ATF7IP: variants seen among roughly 807,000 people sequenced by gnomAD.
ATF7IP encodes the protein activating transcription factor 7 interacting protein.
A neutral mutation model predicts 106.4 loss-of-function variants in ATF7IP; 23 were observed. The observed-to-expected ratio is 0.22, with a 90% CI of 0.16 to 0.31. The LOEUF (loss-of-function observed/expected upper bound fraction) is 0.31, where lower values mean the gene tolerates loss of function less well. Ranked by LOEUF, ATF7IP falls within the 10% of genes least tolerant of loss-of-function variation. ATF7IP has a pLI of 1.00. For missense variants in ATF7IP, 1,334 were observed against 1,524.3 expected, an observed-to-expected ratio of 0.88 and a Z score of 2.08; for synonymous variants, 542 against 539.0, an observed-to-expected ratio of 1.01 and a Z score of -0.08.
At chr12:14,382,460 C>G (rs1939038115) in intron 1 of ATF7IP, among the ~76,000 whole-genome samples, 1 of 152,136 alleles carries the variant, frequency 6.6e-6, no homozygotes, top group Non-Finnish European at 1.5e-5. Flanking sequence ...TAGATTTTCT[C>G]AGAGTCATCT....
At chr12:14,396,540 G>A (rs1939853348) in intron 1 of ATF7IP, among the ~76,000 whole-genome samples, 1 of 152,114 alleles carries the variant, frequency 6.6e-6, no homozygotes, top group South Asian at 2.1e-4. Flanking sequence ...AATGATGATA[G>A]TAGAAAGAAA....
At chr12:14,417,068 C>A in intron 1 of ATF7IP, 1 of 355,044 alleles carries the variant, frequency 2.8e-6, no homozygotes, top group Non-Finnish European at 3.9e-6. Flanking sequence ...ATTCTGATAA[C>A]AAATTTTCCA....
At chr12:14,488,764 G>A (rs754816504) in intron 13 of ATF7IP, among the ~76,000 whole-genome samples, 1 of 152,112 alleles carries the variant, frequency 6.6e-6, no homozygotes, top group Non-Finnish European at 1.5e-5. Flanking sequence ...ATTATCCTTT[G>A]TACAACCAGA....
At chr12:14,446,531 A>G (rs767159671) in intron 5 of ATF7IP, among the ~76,000 whole-genome samples, 23 of 152,256 alleles carry the variant, frequency 1.5e-4, no homozygotes, top group Non-Finnish European at 2.6e-4. Flanking sequence ...GCATTCATTT[A>G]CACTTCTGTT....
chr12:14,401,684 T>A (rs1360793399), intron 1 of ATF7IP, among the ~76,000 whole-genome samples: 1 of 151,676 alleles, frequency 6.6e-6, no homozygotes, highest in Non-Finnish European at 1.5e-5. Flanking sequence ...TTTTTCCCTG[T>A]TTTTAGCATT....
intron 2 of ATF7IP, among the ~76,000 whole-genome samples, chr12:14,429,587 A>C (rs1292495820): frequency 6.6e-6 from 1 of 152,226 alleles, no homozygotes; most frequent in Non-Finnish European, 1.5e-5. Context: ...TAAAATAAAC[A>C]TAAACTGATG....
At chr12:14,494,283 GAATATATATATATATATATATATATA>G (rs1160290808) in intron 13 of ATF7IP, among the ~76,000 whole-genome samples, 1 of 40,700 alleles carries the variant, frequency 2.5e-5, no homozygotes, top group Non-Finnish European at 4.7e-5. Context: ...AGAGCTAATA[GAATATATATATATATATATATATATA>G]TATATATATA....
At chr12:14,451,137 GT>G (rs916638527) in intron 6 of ATF7IP, among the ~76,000 whole-genome samples, 11 of 151,926 alleles carry the variant, frequency 7.2e-5, no homozygotes, top group Admixed American at 2.0e-4. Flanking sequence ...TGGGTTGTGT[GT>G]TTTTAGGAAT....
Position 14,500,087 on chromosome 12 carries a change from C to T in ATF7IP, c.*2014C>T, listed in dbSNP as rs2136890564. Reference sequence around the variant, plus strand: ...GGAATTTATGGAGTTTGTGAAATAACTTCGAAGTCCTCTTCCTTTACAATA... The same window carrying T: ...GGAATTTATGGAGTTTGTGAAATAATTTCGAAGTCCTCTTCCTTTACAATA... On this transcript the variant is annotated 3_prime_UTR_variant, in exon 15 of 15. Coordinates refer to ENST00000261168, the MANE Select transcript of ATF7IP (RefSeq NM_018179.5). 6.6e-6 allele frequency: 1 copy of T among 152,294 alleles called. No individual in the cohort carries two copies. The highest frequency in any genetic ancestry group is 2.1e-4 in the South Asian group (1 of 4,828). The allele number at this position is 152,294 out of a possible 1,614,324, so 9.4% of individuals were successfully genotyped here. A position where few individuals can be genotyped will look rare whatever the true frequency, so the allele number is the denominator to read the frequency against.
rs1352158941 is a variant in ATF7IP at position 14,425,302 on chromosome 12, A to T, written c.1387A>T (p.Thr463Ser). The T allele has an allele frequency of 6.2e-7, 1 of 1,608,266 alleles. No individual in the cohort carries two copies. The highest frequency in any genetic ancestry group is 1.1e-5 in the South Asian group (1 of 89,470). The change falls in exon 2 of 15, where the codon ACA (threonine) becomes TCA (serine). Residue 463 changes from threonine to serine, a missense_variant. By Grantham distance (58) the Thr-to-Ser change is moderately conservative (BLOSUM62 1). Around this residue, in one of 10 missense-constraint regions of ATF7IP, gnomAD observed 41 missense variants for 60.4 expected, o/e 0.68. Transcript: ENST00000261168. ...SKTSLLPIDE[T>S]NPDLEEKMES... Reference sequence around the variant, plus strand: ...AACATCTCTCCTTCCAATCGATGAGACAAATCCAGATTTGGAAGAGAAAAT... The same window carrying T: ...AACATCTCTCCTTCCAATCGATGAGTCAAATCCAGATTTGGAAGAGAAAAT...
intron 1 of ATF7IP, among the ~76,000 whole-genome samples, chr12:14,369,552 C>G (rs530791248): frequency 6.6e-6 from 1 of 152,000 alleles, no homozygotes; most frequent in Non-Finnish European, 1.5e-5. Flanking sequence ...TGGCCAGGCT[C>G]GTCTTGAACT....
rs767326103 is a variant in ATF7IP, at chr12:14,424,602, A to G, written c.687A>G (p.Ile229Met). Reference protein sequence around the residue: ...PISGDCAADDIASSEITSVDL... With the variant: ...PISGDCAADDMASSEITSVDL... ...CTGGTGATTGTGCCGCTGATGATAT[A>G]GCCTCTAGTGAAATAACTTCTGTTG... is the stretch of plus-strand genomic sequence containing the variant. The change falls in exon 2 of 15, where the codon ATA becomes ATG. Residue 229 changes from isoleucine to methionine, a missense_variant. Physicochemically the swap from Ile to Met is conservative, Grantham distance 10. Around this residue, in one of 10 missense-constraint regions of ATF7IP, gnomAD observed 438 missense variants for 405.3 expected, o/e 1.08. Coordinates refer to ENST00000261168, the MANE Select transcript of ATF7IP (RefSeq NM_018179.5). The G allele has an allele frequency of 1.4e-5, 22 of 1,613,984 alleles. No individual in the cohort carries two copies. Among genetic ancestry groups the G allele is most frequent in the Non-Finnish European group, 1.8e-5 (21 of 1,180,038 alleles).
At chr12:14,466,157 T>A (rs1422172624) in intron 9 of ATF7IP, 1 of 164,460 alleles carries the variant, frequency 6.1e-6, no homozygotes, top group African/African-American at 2.4e-5. Context: ...TTGGGAACAT[T>A]TTTGACATAC....
rs574728919 is a variant in ATF7IP, at chr12:14,425,451, G to A, written c.1536G>A (p.Ser512=). ...SGEKDESEVI[S]QNETCSPAEV... is the part of the protein sequence containing the mutation. ...AAAAAGATGAGTCTGAAGTTATATC[G>A]CAAAATGAAACGTGCTCTCCAGGTT... Residue 512 remains serine, a synonymous_variant, in exon 2 of 15, where the codon TCG becomes TCA. Transcript: ENST00000261168. The A allele has an allele frequency of 2.4e-5, 37 of 1,557,764 alleles. No individual in the cohort carries two copies. The highest frequency in any genetic ancestry group is 1.3e-4 in the Admixed American group (6 of 46,604).
rs545632587 is a variant in ATF7IP, at chr12:14,494,360, CAT to C, written c.3281-1868_3281-1867del. Among the ~76,000 whole-genome samples, 221 of 108,528 alleles carry C rather than the reference CAT, an allele frequency of 2.0e-3. 3 individuals are homozygous for C. Among genetic ancestry groups the C allele is most frequent in the African/African-American group, 5.7e-3 (166 of 29,086 alleles). The allele number at this position is 108,528 out of a possible 152,430, so 71.2% of individuals were successfully genotyped here. Reference sequence around the variant, plus strand: ...GTGTGTGTGTATATGTATATATACACATATGTTTCCTATATATAGTATTCATA... The same window carrying C: ...GTGTGTGTGTATATGTATATATACACATGTTTCCTATATATAGTATTCATA... On this transcript the variant is annotated intron_variant, in intron 13 of 14. Transcript: ENST00000261168.
chr12:14,412,779 C>T (rs572158721), intron 1 of ATF7IP, among the ~76,000 whole-genome samples: 5 of 151,856 alleles, frequency 3.3e-5, no homozygotes, highest in South Asian at 4.2e-4. Flanking sequence ...TTTGGGTGGC[C>T]GAGGCAGGTG....
chr12:14,484,958 A>C (rs572456165), intron 13 of ATF7IP, among the ~76,000 whole-genome samples: 33 of 152,268 alleles, frequency 2.2e-4, no homozygotes, highest in Admixed American at 1.4e-3. Context: ...ACCAAAGCCC[A>C]GTTAACAGGC....
At chr12:14,477,169 T>G (rs1944288899) in intron 11 of ATF7IP, among the ~76,000 whole-genome samples, 1 of 152,216 alleles carries the variant, frequency 6.6e-6, no homozygotes, top group Non-Finnish European at 1.5e-5. Flanking sequence ...AGACATTACT[T>G]TTTTCTAAAA....
At chr12:14,431,364 T>C (rs962001807) in intron 2 of ATF7IP, among the ~76,000 whole-genome samples, 12 of 151,812 alleles carry the variant, frequency 7.9e-5, no homozygotes, top group East Asian at 3.9e-4. Flanking sequence ...CAGAAACTTA[T>C]CTGTAAGTAA....
Sources: allele counts gnomAD v4.1 joint callset (sites outside exome capture counted in the v4.1 genomes callset), GRCh38; gene constraint gnomAD v4.1.1; regional missense constraint gnomAD v4.1.1; transcripts MANE v1.5; gene names NCBI Gene and HGNC (gene_info 2026-07-23, HGNC 2026-07-21).